The following RAD51B variants were observed in gnomAD, a reference collection of about 807,000 sequenced individuals.
RAD51B encodes RAD51 paralog B, also known as DNA repair protein RAD51 homolog 2.
In RAD51B, 38 loss-of-function variants were observed where a neutral mutation model predicts 42.2. That is an observed-to-expected ratio of 0.90 (90% confidence interval 0.70 to 1.18). The LOEUF (loss-of-function observed/expected upper bound fraction) is 1.18. Among genes scored for constraint, RAD51B ranks in the 50% most tolerant of loss-of-function variants. RAD51B has a pLI of 0.00. For missense variants in RAD51B, 373 were observed against 400.7 expected (o/e 0.93, Z 0.59); for synonymous variants, 154 against 145.2 (o/e 1.06, Z -0.43).
At chr14:68,349,838 C>G (rs2082748428) in intron 8 of RAD51B, among the ~76,000 whole-genome samples, 1 of 152,184 alleles carries the variant, frequency 6.6e-6, no homozygotes, top group South Asian at 2.1e-4. Context: ...CCTTAAGCAT[C>G]TATATCCCAG....
At chr14:68,348,385 T>C (rs2082714997) in intron 8 of RAD51B, among the ~76,000 whole-genome samples, 1 of 152,188 alleles carries the variant, frequency 6.6e-6, no homozygotes, top group Non-Finnish European at 1.5e-5. Context: ...AGTCATACGA[T>C]ATTTTCAAAT....
At chr14:68,338,810 A>T in intron 8 of RAD51B, 1 of 583,000 alleles carries the variant, frequency 1.7e-6, no homozygotes, top group Non-Finnish European at 3.3e-6. Context: ...GACCCAGGAC[A>T]TTGCCTCCCC....
intron 7 of RAD51B, among the ~76,000 whole-genome samples, chr14:68,251,326 C>T (rs190418650): frequency 2.5e-3 from 376 of 152,244 alleles, no homozygotes; most frequent in Non-Finnish European, 3.9e-3. Context: ...TCGATGAGCC[C>T]CGGCCCATTA....
intron 7 of RAD51B, among the ~76,000 whole-genome samples, chr14:67,918,245 A>AT (rs2044218096): frequency 6.6e-6 from 1 of 151,972 alleles, no homozygotes; most frequent in African/African-American, 2.4e-5. Context: ...TTATTTATTT[A>AT]TTTTTTTGAG....
intron 10 of RAD51B, chr14:68,650,751 T>A: frequency 2.7e-6 from 2 of 743,342 alleles, no homozygotes; most frequent in South Asian, 2.8e-5. Flanking sequence ...GCTAGGTTCC[T>A]TACAACCTAT....
chr14:68,309,687 A>T (rs2081932250), intron 8 of RAD51B, among the ~76,000 whole-genome samples: 1 of 152,218 alleles, frequency 6.6e-6, no homozygotes, highest in African/African-American at 2.4e-5. Flanking sequence ...AATGCCAATC[A>T]CTTTAATTAA....
At chr14:68,230,910 A>G (rs1012411629) in intron 7 of RAD51B, among the ~76,000 whole-genome samples, 21 of 152,244 alleles carry the variant, frequency 1.4e-4, no homozygotes, top group African/African-American at 5.1e-4. Context: ...ATTATCACAC[A>G]TGGAAGGTCA....
intron 10 of RAD51B, among the ~76,000 whole-genome samples, chr14:68,543,896 C>G (rs1888091536): frequency 6.6e-6 from 1 of 152,118 alleles, no homozygotes; most frequent in Admixed American, 6.5e-5. Flanking sequence ...TTTTGTTACA[C>G]CAGACAGCCT....
At chr14:67,941,454 A>G (rs142095610) in intron 7 of RAD51B, among the ~76,000 whole-genome samples, 1 of 152,090 alleles carries the variant, frequency 6.6e-6, no homozygotes, top group East Asian at 1.9e-4. Flanking sequence ...TAGGGGGAGG[A>G]TTTTGCTCTA....
intron 11 of RAD51B, among the ~76,000 whole-genome samples, chr14:68,677,963 T>C (rs1893347207): frequency 1.3e-5 from 2 of 152,062 alleles, no homozygotes; most frequent in African/African-American, 2.4e-5. Flanking sequence ...TCCACCTCCA[T>C]AGTGCCATGA....
intron 10 of RAD51B, among the ~76,000 whole-genome samples, chr14:68,577,827 C>A (rs577327382): frequency 6.6e-6 from 1 of 152,286 alleles, no homozygotes; most frequent in Non-Finnish European, 1.5e-5. Flanking sequence ...ATCCTACCTG[C>A]CGTGGTGTAC....
intron 10 of RAD51B, among the ~76,000 whole-genome samples, chr14:68,648,168 T>TAC (rs1373581160): frequency 2.5e-4 from 26 of 102,746 alleles, no homozygotes; most frequent in African/African-American, 6.0e-4. Context: ...TATATATATA[T>TAC]ACACACGTAT....
chr14:67,895,473 A>G (rs981417482), intron 7 of RAD51B, among the ~76,000 whole-genome samples: 1 of 152,224 alleles, frequency 6.6e-6, no homozygotes, highest in Non-Finnish European at 1.5e-5. Flanking sequence ...AATAGTACAT[A>G]TGGGTACATA....
At chr14:68,414,392 C>G (rs2084496134) in intron 9 of RAD51B, among the ~76,000 whole-genome samples, 1 of 152,116 alleles carries the variant, frequency 6.6e-6, no homozygotes, top group Non-Finnish European at 1.5e-5. Context: ...CTGCCCCACC[C>G]TTTTTGCAAC....
intron 9 of RAD51B, among the ~76,000 whole-genome samples, chr14:68,426,168 A>G (rs977868973): frequency 1.3e-5 from 2 of 151,530 alleles, no homozygotes; most frequent in African/African-American, 2.4e-5. Flanking sequence ...TCCCAGGCTC[A>G]AGCAATTCTC....
intron 10 of RAD51B, among the ~76,000 whole-genome samples, chr14:68,623,224 C>T (rs1891995632): frequency 6.6e-6 from 1 of 152,170 alleles, no homozygotes; most frequent in Non-Finnish European, 1.5e-5. Context: ...CCAGGACTGC[C>T]TTAATTTCCA....
chr14:68,613,955 G>T (rs923272778), downstream of RAD51B, among the ~76,000 whole-genome samples: 2 of 152,192 alleles, frequency 1.3e-5, no homozygotes. Flanking sequence ...ATCTAAATGC[G>T]TAAAATCAAA....
chr14:68,513,091 C>T (rs988573114), intron 10 of RAD51B, among the ~76,000 whole-genome samples: 11 of 152,126 alleles, frequency 7.2e-5, no homozygotes, highest in Non-Finnish European at 1.2e-4. Flanking sequence ...AGGGGCCAGC[C>T]ATGGAAGTGG....
intron 8 of RAD51B, among the ~76,000 whole-genome samples, chr14:68,347,161 G>A (rs1056801611): frequency 6.6e-6 from 1 of 152,100 alleles, no homozygotes; most frequent in Non-Finnish European, 1.5e-5. Flanking sequence ...TAGGGACAAA[G>A]TCCAAGTTAT....
Sources: gnomAD v4.1 joint callset for allele counts (sites outside exome capture counted in the v4.1 genomes callset) on GRCh38, gnomAD v4.1.1 for gene constraint, MANE v1.5 for transcripts, NCBI Gene and HGNC (gene_info 2026-07-23, HGNC 2026-07-21) for gene names.